Variants in TRIP11 observed in about 807,000 individuals in gnomAD.
TRIP11 encodes the protein thyroid receptor-interacting protein 11.
TRIP11 carries 148 observed loss-of-function variants against 223.1 expected under a neutral mutation model. That is an observed-to-expected ratio of 0.66 (90% CI 0.58 to 0.76). The LOEUF (loss-of-function observed/expected upper bound fraction) is 0.76, where lower values mean the gene tolerates loss of function less well. Ranked by LOEUF, TRIP11 falls within the 30% of genes least tolerant of loss-of-function variation. TRIP11 has a pLI of 0.00. For synonymous variants in TRIP11, 762 were observed against 772.6 expected, an observed-to-expected ratio of 0.99 and a Z score of 0.23; for missense variants, 2,043 against 2,222.0, an observed-to-expected ratio of 0.92 and a Z score of 1.62.
intron 15 of TRIP11, among the ~76,000 whole-genome samples, chr14:91,992,049 C>G (rs2056679219): frequency 7.5e-6 from 1 of 133,220 alleles, no homozygotes; most frequent in Admixed American, 8.7e-5. Flanking sequence ...CCCTTGCACT[C>G]CAGCCTGAGC....
At chr14:91,994,416 G>A (rs1333777991) in intron 14 of TRIP11, among the ~76,000 whole-genome samples, 3 of 151,976 alleles carry the variant, frequency 2.0e-5, no homozygotes, top group African/African-American at 7.3e-5. Flanking sequence ...GCTAATTTGT[G>A]TATTTTTAGT....
chr14:91,995,741 G>C (rs2056743256), intron 13 of TRIP11, among the ~76,000 whole-genome samples: 1 of 151,574 alleles, frequency 6.6e-6, no homozygotes, highest in Non-Finnish European at 1.5e-5. Flanking sequence ...TCAGCCTCCT[G>C]AGTAGCTGGG....
intron 14 of TRIP11, 87 bp from the exon 15 acceptor site, chr14:91,993,999 C>A (rs564795202): frequency 1.0e-6 from 1 of 986,066 alleles, no homozygotes; most frequent in African/African-American, 1.6e-5. Context: ...AATAATCCAA[C>A]GAAAACAGTT....
In TRIP11 at chr14:92,005,030, TTC is replaced by T. The variant is rs2056880462; in HGVS notation, c.2944_2945del (p.Glu982LysfsTer8). Reference sequence around the variant, plus strand: ...AGTTATCTGTTTGAATGTCCTGTCTTTCTTCATGCAACTGGGTTTTGATTTGT... The same window carrying T: ...AGTTATCTGTTTGAATGTCCTGTCTTTTCATGCAACTGGGTTTTGATTTGT... ...IEQIKTQLHE[E>X]RQDIQTDNSD... On this transcript the variant is annotated frameshift_variant, in exon 11 of 21. Coordinates refer to ENST00000267622, the MANE Select transcript of TRIP11 (RefSeq NM_004239.4). LOFTEE classifies it high-confidence loss of function. 6.2e-7 allele frequency: 1 copy of T among 1,613,996 alleles called. No homozygotes were observed. The highest frequency in any genetic ancestry group is 8.5e-7 in the Non-Finnish European group (1 of 1,180,048).
At chr14:92,025,704 C>A (rs541488390) in intron 2 of TRIP11, among the ~76,000 whole-genome samples, 1 of 152,062 alleles carries the variant, frequency 6.6e-6, no homozygotes, top group South Asian at 2.1e-4. Flanking sequence ...TAGGGAAACC[C>A]CATCTCTACT....
In TRIP11 at chr14:92,021,602, A is replaced by G. The variant is rs2057115434; in HGVS notation, c.542T>C (p.Val181Ala). 1 of 1,614,062 alleles carries G rather than the reference A, an allele frequency of 6.2e-7. No homozygotes were observed. Among genetic ancestry groups the G allele is most frequent in the African/African-American group, 1.3e-5 (1 of 74,906 alleles). The stretch of plus-strand genomic sequence containing the variant: ...GCCAACTTCAGACTCAAGTCTTGAA[A>G]CTTCATTTGAGAGTCGGTTTATTTC... ...QQEINRLSNE[V>A]SRLESEVGHW... The change falls in exon 4 of 21, where the codon GTT becomes GCT. Residue 181 changes from valine (V) to alanine (A), a missense_variant. Val to Ala is a moderately conservative substitution (Grantham distance 64). Transcript: ENST00000267622.
At chr14:92,020,339 T>C (rs186213756) in intron 4 of TRIP11, among the ~76,000 whole-genome samples, 3 of 151,818 alleles carry the variant, frequency 2.0e-5, no homozygotes. Flanking sequence ...GGATAAGAGA[T>C]ATTCATCCTG....
At chr14:91,987,253 C>T (rs948288539) in intron 16 of TRIP11, among the ~76,000 whole-genome samples, 2 of 152,094 alleles carry the variant, frequency 1.3e-5, no homozygotes, top group African/African-American at 2.4e-5. Flanking sequence ...AGTAACTTGC[C>T]TCAGAATCAA....
Position 92,025,348 on chromosome 14 carries a change from G to T in TRIP11, c.274C>A (p.Gln92Lys). The T allele has an allele frequency of 6.2e-7, 1 of 1,613,438 alleles. No homozygotes were observed. Residue 92 changes from glutamine (Q) to lysine (K), a missense_variant, in exon 3 of 21, where the codon CAA becomes AAA. By Grantham distance (53) the Gln-to-Lys change is moderately conservative (BLOSUM62 1). Transcript: ENST00000267622. The stretch of plus-strand genomic sequence containing the variant: ...AGTTGATTTCGGTAACTTGTAGATT[G>T]CTGCTTTATTTGAATCTCTGATGCT... The part of the protein sequence containing the change: ...HEASEIQIKQ[Q>K]STSYRNQLQQ...
intron 9 of TRIP11, among the ~76,000 whole-genome samples, chr14:92,009,309 C>T (rs989176428): frequency 2.0e-5 from 3 of 152,296 alleles, no homozygotes; most frequent in Admixed American, 2.0e-4. Flanking sequence ...GCTGAGATTA[C>T]AGCGTGAGCC....
intron 5 of TRIP11, among the ~76,000 whole-genome samples, chr14:92,016,423 C>T (rs2057036088): frequency 6.6e-6 from 1 of 152,158 alleles, no homozygotes; most frequent in African/African-American, 2.4e-5. Context: ...AGAGTCTGTC[C>T]ACTGGGTCCC....
chr14:92,014,850 T>C (rs1233189653), intron 6 of TRIP11, among the ~76,000 whole-genome samples: 1 of 152,148 alleles, frequency 6.6e-6, no homozygotes, highest in African/African-American at 2.4e-5. Flanking sequence ...CAAAGAAATC[T>C]ATAAATTATA....
At position 92,015,907 on chromosome 14, in the gene TRIP11, T is replaced by G. The variant is rs1006820768; in HGVS notation, c.658-46A>C. ...TTATTCACATTTATAATCAATAAAT[T>G]TATGTAAGCTATATATTTAACTGTT... is the stretch of plus-strand genomic sequence containing the variant. On this transcript the variant is annotated intron_variant, in intron 5 of 20. Coordinates refer to ENST00000267622, the MANE Select transcript of TRIP11 (RefSeq NM_004239.4). The G allele has an allele frequency of 2.7e-6, 4 of 1,487,212 alleles. No homozygotes were observed. In the African/African-American group the frequency reaches 4.2e-5, roughly 16 times the overall value. The allele number at this position is 1,487,212 out of a possible 1,614,324, so 92.1% of individuals were successfully genotyped here.
In TRIP11 at chr14:92,006,039, T is replaced by C. The variant is rs369583157; in HGVS notation, c.1937A>G (p.Glu646Gly). 1.9e-6 allele frequency: 3 copies of C among 1,583,872 alleles called. No homozygotes were observed. The East Asian group carries it at 6.7e-5, about 35-fold the overall frequency. The change falls in exon 11 of 21, where the codon GAA (glutamate) becomes GGA (glycine). Residue 646 changes from glutamate (E) to glycine (G), a missense_variant. Physicochemically the swap from Glu to Gly is moderately conservative, Grantham distance 98 (BLOSUM62 -2). Coordinates refer to ENST00000267622, the MANE Select transcript of TRIP11 (RefSeq NM_004239.4). Reference sequence around the variant, plus strand: ...TAAGTTTCTAACTTCAGCTTCTCTTTCTTTAAGTAAGGTATCCTTAAAATT... The same window carrying C: ...TAAGTTTCTAACTTCAGCTTCTCTTCCTTTAAGTAAGGTATCCTTAAAATT... ...NSNFKDTLLKEREAEVRNLKQ... is the reference protein window; with the variant it reads ...NSNFKDTLLKGREAEVRNLKQ...
At chr14:91,987,642 T>C (rs976193109) in intron 16 of TRIP11, among the ~76,000 whole-genome samples, 6 of 152,194 alleles carry the variant, frequency 3.9e-5, no homozygotes, top group Non-Finnish European at 7.3e-5. Context: ...TAGAATAGTT[T>C]TGACTTCCTG....
intron 2 of TRIP11, 85 bp from the exon 3 acceptor site, chr14:92,025,505 G>T: frequency 1.2e-6 from 1 of 854,336 alleles, no homozygotes; most frequent in Non-Finnish European, 1.9e-6. Context: ...AAAACGTACT[G>T]CTTTCCCCCC....
At chr14:91,972,090 T>C (rs2056407312) in intron 20 of TRIP11, among the ~76,000 whole-genome samples, 1 of 152,182 alleles carries the variant, frequency 6.6e-6, no homozygotes, top group African/African-American at 2.4e-5. Flanking sequence ...CCAGTATATA[T>C]GATATGAACA....
intron 2 of TRIP11, among the ~76,000 whole-genome samples, chr14:92,029,280 ATTTTTTTTTTTTTTT>A (rs60778253): frequency 1.2e-4 from 9 of 76,798 alleles, no homozygotes; most frequent in Admixed American, 1.7e-4. Context: ...CCAAAGTATT[ATTTTTTTTTTTTTTT>A]TTTTTTTTTT....
rs1376990187 is a variant in TRIP11, at chr14:91,966,212, T to C, written c.*3461A>G. ...AAAAGACAATTTAAATTGTTTTACA[T>C]AGAGAAACCTTAATAAGTATTTAAC... On this transcript the variant is annotated 3_prime_UTR_variant, in exon 21 of 21. Coordinates refer to ENST00000267622, the MANE Select transcript of TRIP11 (RefSeq NM_004239.4). The C allele has an allele frequency of 5.7e-6, 1 of 176,380 alleles. No homozygotes were observed. Among genetic ancestry groups the C allele is most frequent in the African/African-American group, 2.4e-5 (1 of 42,244 alleles). The allele number at this position is 176,380 out of a possible 1,614,324, so 10.9% of individuals were successfully genotyped here.
Sources: allele counts gnomAD v4.1 joint callset (sites outside exome capture counted in the v4.1 genomes callset), GRCh38; gene constraint gnomAD v4.1.1; transcripts MANE v1.5; gene names NCBI Gene and HGNC (gene_info 2026-07-23, HGNC 2026-07-21).